CSNK1D: variants seen among roughly 807,000 people sequenced by gnomAD.
CSNK1D encodes casein kinase 1 delta.
A neutral mutation model predicts 46.6 loss-of-function variants in CSNK1D; 16 were observed. The observed-to-expected ratio is 0.34, with a 90% CI of 0.23 to 0.52. CSNK1D has a LOEUF of 0.52. Ranked by LOEUF, CSNK1D falls within the 20% of genes least tolerant of loss-of-function variation. CSNK1D has a pLI of 0.95. For missense variants in CSNK1D, 398 were observed against 578.4 expected (o/e 0.69, Z 3.20); for synonymous variants, 276 against 228.2 (o/e 1.21, Z -1.89).
Position 82,273,364 on chromosome 17 carries a change from C to T in CSNK1D, c.18G>A (p.Gly6=), listed in dbSNP as rs2051689911. The T allele has an allele frequency of 6.2e-7, 1 of 1,611,208 alleles. No homozygotes were observed. Among genetic ancestry groups the T allele is most frequent in the Admixed American group, 1.7e-5 (1 of 59,940 alleles). The change falls in exon 1 of 9, where the codon GGG becomes GGA. Residue 6 remains glycine (G), a synonymous_variant. Transcript: ENST00000314028. This position sits in a 1 kb window ranked among gnomAD's most constrained non-coding sequence, Gnocchi z 5.1. ...TCTTCCGGCCCAGCCGGTACCTGTT[C>T]CCGACTCTCAGCTCCATGGCGGCGG... The part of the protein sequence containing the change: MELRV[G]NRYRLGRKIG...
At chr17:82,242,663 G>A (rs2050757621), downstream of CSNK1D, 4 of 985,398 alleles carry the variant, frequency 4.1e-6, no homozygotes, top group South Asian at 1.4e-4. Context: ...AAAGGGGAGG[G>A]AAGAAAGGTA....
At position 82,243,332 on chromosome 17, in the gene CSNK1D, G is replaced by A. The variant is rs1312221966; in HGVS notation, c.*1449C>T. ...ACATCGTCCATCGTGATGGGGTCCA[G>A]CCGAAGTGCCCACGAACACAGACTG... On this transcript the variant is annotated 3_prime_UTR_variant, in exon 9 of 9. Transcript: ENST00000314028. 3.0e-6 allele frequency: 3 copies of A among 985,440 alleles called. No individual in the cohort carries two copies. The highest frequency in any genetic ancestry group is 3.6e-6 in the Non-Finnish European group (3 of 830,016). 61.0% of individuals were successfully genotyped at this position (985,440 alleles called of 1,614,324 possible). A position where few individuals can be genotyped will look rare whatever the true frequency, so the allele number is the denominator to read the frequency against.
At position 82,254,840 on chromosome 17, in the gene CSNK1D, C is replaced by T. The variant is rs191934292; in HGVS notation, c.336+589G>A. Among the ~76,000 whole-genome samples the T allele has an allele frequency of 3.2e-3, 436 of 136,786 alleles. 2 individuals carry two copies. The highest frequency in any genetic ancestry group is 0.012 in the African/African-American group (414 of 34,078). The allele number at this position is 136,786 out of a possible 152,430, so 89.7% of individuals were successfully genotyped here. On this transcript the variant is annotated intron_variant, in intron 3 of 8. Coordinates refer to ENST00000314028, the MANE Select transcript of CSNK1D (RefSeq NM_001893.6). ...TCGAGAAGCCAGTCAGCTGAGCCGC[C>T]GGGGCCTCGAGAAGCCAGTGTGCTG...
chr17:82,263,337 C>G (rs1235749016), intron 2 of CSNK1D, among the ~76,000 whole-genome samples: 1 of 152,256 alleles, frequency 6.6e-6, no homozygotes. Context: ...AAAACCATTT[C>G]TGAAATCCTA....
intron 2 of CSNK1D, among the ~76,000 whole-genome samples, chr17:82,264,924 A>AGGCGCCT (rs1229774026): frequency 2.6e-5 from 4 of 151,510 alleles, no homozygotes; most frequent in African/African-American, 7.3e-5. Flanking sequence ...CAGCCTCCCA[A>AGGCGCCT]GTAGCTGGGA....
Position 82,249,746 on chromosome 17 carries a change from C to A in CSNK1D, c.886-144G>T, listed in dbSNP as rs1241540928. 3 of 1,495,772 alleles carry A rather than the reference C, an allele frequency of 2.0e-6. No individual in the cohort carries two copies. Among genetic ancestry groups the A allele is most frequent in the African/African-American group, 1.4e-5 (1 of 72,214 alleles). The allele number at this position is 1,495,772 out of a possible 1,614,324, so 92.7% of individuals were successfully genotyped here. The stretch of plus-strand genomic sequence containing the variant: ...CCTGCAAAGCCCCCCACAGGCTGCA[C>A]GTTTCTCCTCATGGGATGACAGCAT... On this transcript the variant is annotated intron_variant, in intron 6 of 8. Coordinates refer to ENST00000314028, the MANE Select transcript of CSNK1D (RefSeq NM_001893.6). The surrounding 1 kb of genome is among the most constrained non-coding windows in gnomAD (Gnocchi z 6.7).
chr17:82,258,204 CAAAAAAA>C (rs36125401), intron 2 of CSNK1D, among the ~76,000 whole-genome samples: 24 of 51,908 alleles, frequency 4.6e-4, no homozygotes, highest in Admixed American at 4.1e-3. Context: ...GAGACCGTCT[CAAAAAAA>C]AAAAAAAAAA....
chr17:82,246,139 T>C (rs1346167336), intron 8 of CSNK1D: 3 of 1,547,750 alleles, frequency 1.9e-6, no homozygotes, highest in South Asian at 1.2e-5. Flanking sequence ...CTCAACCAGG[T>C]CCACAGACCG....
chr17:82,240,493 C>T (rs1253383791), downstream of CSNK1D, among the ~76,000 whole-genome samples: 1 of 152,196 alleles, frequency 6.6e-6, no homozygotes, highest in African/African-American at 2.4e-5. Context: ...CAGGAGTGAC[C>T]TGGGCTTACA....
Position 82,248,986 on chromosome 17 carries a change from G to A in CSNK1D, c.1086C>T (p.Gly362=). Residue 362 remains glycine, a synonymous_variant, in exon 8 of 9, where the codon GGC becomes GGT. Transcript: ENST00000314028. The surrounding 1 kb of genome is among the most constrained non-coding windows in gnomAD (Gnocchi z 4.1). The part of the protein sequence containing the change: ...TANTSPRPVS[G]MERERKVSMR... Reference sequence around the variant, plus strand: ...TACTCACTTTCCGCTCTCTCTCCATGCCGGAGACGGGCCGGGGGGAGGTGT... The same window carrying A: ...TACTCACTTTCCGCTCTCTCTCCATACCGGAGACGGGCCGGGGGGAGGTGT... 1 of 1,572,348 alleles carries A rather than the reference G, an allele frequency of 6.4e-7. No homozygotes were observed. The highest frequency in any genetic ancestry group is 8.6e-7 in the Non-Finnish European group (1 of 1,157,670).
intron 2 of CSNK1D, among the ~76,000 whole-genome samples, chr17:82,257,846 C>G (rs1286785206): frequency 6.6e-6 from 1 of 152,224 alleles, no homozygotes; most frequent in Non-Finnish European, 1.5e-5. Flanking sequence ...GTTAACTGAA[C>G]AGACCCGGAT....
chr17:82,263,488 G>A (rs1292954693), intron 2 of CSNK1D, among the ~76,000 whole-genome samples: 1 of 152,236 alleles, frequency 6.6e-6, no homozygotes, highest in Non-Finnish European at 1.5e-5. Context: ...AAAGTTTTGA[G>A]TATCACAACT....
chr17:82,257,257 G>C (rs138112559), intron 2 of CSNK1D, among the ~76,000 whole-genome samples: 2 of 151,948 alleles, frequency 1.3e-5, no homozygotes, highest in East Asian at 3.9e-4. Flanking sequence ...AACCACTGCA[G>C]GTTTTTTGTG....
At chr17:82,264,904 TCTC>T (rs1328684647) in intron 2 of CSNK1D, among the ~76,000 whole-genome samples, 1 of 151,488 alleles carries the variant, frequency 6.6e-6, no homozygotes, top group Admixed American at 6.6e-5. Context: ...TTCACGCCAT[TCTC>T]CTGCCTCAGC....
rs757824569 is a variant in CSNK1D at position 82,249,416 on chromosome 17, G to C, written c.1057+15C>G. On this transcript the variant is annotated intron_variant, in intron 7 of 8. Coordinates refer to ENST00000314028, the MANE Select transcript of CSNK1D (RefSeq NM_001893.6). This position sits in a 1 kb window ranked among gnomAD's most constrained non-coding sequence, Gnocchi z 6.7. ...CCCAGAGCCAGCCCCAGAGCGCTGG[G>C]AGGGGGGCACTCACCCGTGTGTGAG... 1 of 1,534,198 alleles carries C rather than the reference G, an allele frequency of 6.5e-7. No individual in the cohort carries two copies. Among genetic ancestry groups the C allele is most frequent in the South Asian group, 1.2e-5 (1 of 83,882 alleles).
In CSNK1D at chr17:82,249,636, C is replaced by G. The variant is rs767977688; in HGVS notation, c.886-34G>C. The G allele has an allele frequency of 1.9e-6, 3 of 1,551,494 alleles. No homozygotes were observed. Among genetic ancestry groups the G allele is most frequent in the Middle Eastern group, 2.3e-4 (1 of 4,372 alleles). On this transcript the variant is annotated intron_variant, in intron 6 of 8. Coordinates refer to ENST00000314028, the MANE Select transcript of CSNK1D (RefSeq NM_001893.6). The surrounding 1 kb of genome is among the most constrained non-coding windows in gnomAD (Gnocchi z 6.7). ...GCAGGAGGTGAGGCCGGAATGGAAC[C>G]AGCTTTGGCAGAAAGCAACCCTAGG...
In CSNK1D at chr17:82,244,770, A is replaced by G; in HGVS notation, c.*11T>C. The stretch of plus-strand genomic sequence containing the variant: ...TGCATTGTCTGCCCTTCACAGCAAT[A>G]AGGAGAGTTCTCATCGGTGCACGAC... On this transcript the variant is annotated 3_prime_UTR_variant, in exon 9 of 9. Coordinates refer to ENST00000314028, the MANE Select transcript of CSNK1D (RefSeq NM_001893.6). 1 of 1,614,050 alleles carries G rather than the reference A, an allele frequency of 6.2e-7. No homozygotes were observed. The highest frequency in any genetic ancestry group is 1.3e-5 in the African/African-American group (1 of 75,062).
chr17:82,247,192 A>T (rs2147155672), intron 8 of CSNK1D: 1 of 985,430 alleles, frequency 1.0e-6, no homozygotes, highest in Non-Finnish European at 1.2e-6. Context: ...GTTAGAGCCC[A>T]CGTTGTATTT....
At chr17:82,240,087 T>C (rs1347258142), downstream of CSNK1D, 4 of 1,232,840 alleles carry the variant, frequency 3.2e-6, no homozygotes, top group Non-Finnish European at 4.1e-6. Flanking sequence ...AAGCGAAAAG[T>C]GCACATCTCA....
Sources: gnomAD v4.1 joint callset for allele counts (sites outside exome capture counted in the v4.1 genomes callset) on GRCh38, gnomAD v4.1.1 for gene constraint, Gnocchi (gnomAD v3.1) non-coding constraint, MANE v1.5 for transcripts, NCBI Gene and HGNC (gene_info 2026-07-23, HGNC 2026-07-21) for gene names.